The following CNBD1 variants were observed in gnomAD, a reference collection of about 807,000 sequenced individuals.
CNBD1 encodes cyclic nucleotide-binding domain-containing protein 1.
CNBD1 carries 71 observed loss-of-function variants against 54.4 expected under a neutral mutation model. That is an observed-to-expected ratio of 1.30 (90% CI 1.08 to 1.59). CNBD1 has a LOEUF of 1.59. CNBD1 is among the 40% of genes most tolerant of loss of function. The pLI is 0.00. For synonymous variants in CNBD1, 182 were observed against 170.7 expected, an observed-to-expected ratio of 1.07 and a Z score of -0.51; for missense variants, 659 against 518.0, an observed-to-expected ratio of 1.27 and a Z score of -2.64.
chr8:87,388,905 A>T (rs1268796799), intron 2 of CNBD1, among the ~76,000 whole-genome samples: 2 of 152,198 alleles, frequency 1.3e-5, no homozygotes. Context: ...ATCCAACATG[A>T]TCAAGTGGGC....
chr8:87,321,487 A>C (rs545877977), intron 8 of CNBD1, among the ~76,000 whole-genome samples: 2 of 152,196 alleles, frequency 1.3e-5, no homozygotes, highest in East Asian at 3.9e-4. Context: ...CTACATTTGG[A>C]TGTCTTTGGA....
At chr8:87,337,166 C>T (rs955001598) in intron 8 of CNBD1, among the ~76,000 whole-genome samples, 1 of 152,162 alleles carries the variant, frequency 6.6e-6, no homozygotes, top group East Asian at 1.9e-4. Context: ...GTTGTGGGAT[C>T]TTACCCAGCT....
chr8:87,379,292 A>T (rs926142932), intron 10 of CNBD1, among the ~76,000 whole-genome samples: 1 of 152,014 alleles, frequency 6.6e-6, no homozygotes, highest in Non-Finnish European at 1.5e-5. Flanking sequence ...GGAGACTTTA[A>T]CACCCCACTG....
At chr8:87,090,703 A>C (rs966056278) in intron 4 of CNBD1, among the ~76,000 whole-genome samples, 2 of 152,224 alleles carry the variant, frequency 1.3e-5, no homozygotes, top group Non-Finnish European at 2.9e-5. Flanking sequence ...TTTCTTCTAA[A>C]TCAGGTAATT....
At chr8:86,978,819 C>T (rs932712019) in intron 4 of CNBD1, among the ~76,000 whole-genome samples, 2 of 152,006 alleles carry the variant, frequency 1.3e-5, no homozygotes, top group Non-Finnish European at 2.9e-5. Context: ...TGGGCGTGAC[C>T]CACCATCTCC....
At chr8:86,878,611 G>A (rs773838874) in intron 1 of CNBD1, among the ~76,000 whole-genome samples, 11 of 150,972 alleles carry the variant, frequency 7.3e-5, no homozygotes, top group Non-Finnish European at 1.2e-4. Flanking sequence ...ATGTGGAACC[G>A]TTGTTTAACC....
chr8:86,989,363 T>C (rs561505886), intron 4 of CNBD1, among the ~76,000 whole-genome samples: 5 of 151,348 alleles, frequency 3.3e-5, no homozygotes, highest in African/African-American at 4.8e-5. Context: ...CTCTTTGATA[T>C]GCTGACTTCC....
chr8:86,979,429 GGC>G (rs1563845745), intron 4 of CNBD1, among the ~76,000 whole-genome samples: 25 of 108,944 alleles, frequency 2.3e-4, no homozygotes, highest in South Asian at 3.1e-4. Context: ...AAAAAAAAAA[GGC>G]AAAAACAATT....
chr8:87,306,895 C>G (rs1207835544), intron 8 of CNBD1, among the ~76,000 whole-genome samples: 1 of 151,758 alleles, frequency 6.6e-6, no homozygotes, highest in African/African-American at 2.4e-5. Flanking sequence ...CACCTGTACC[C>G]AAATAATTTA....
chr8:87,427,654 T>G (rs1297888848), intron 2 of CNBD1, among the ~76,000 whole-genome samples: 2 of 152,202 alleles, frequency 1.3e-5, no homozygotes, highest in African/African-American at 4.8e-5. Context: ...TAATTTAAAA[T>G]GCTTTCATCA....
At chr8:86,924,331 C>T (rs970481037) in intron 3 of CNBD1, among the ~76,000 whole-genome samples, 1 of 152,020 alleles carries the variant, frequency 6.6e-6, no homozygotes, top group African/African-American at 2.4e-5. Context: ...GCATTTGAAC[C>T]AAGGCAAATT....
intron 4 of CNBD1, among the ~76,000 whole-genome samples, chr8:87,031,599 TC>T (rs1421948612): frequency 7.2e-5 from 11 of 152,200 alleles, no homozygotes; most frequent in African/African-American, 1.9e-4. Context: ...TTAAATCTGT[TC>T]CTTTTCTGGG....
intron 2 of CNBD1, among the ~76,000 whole-genome samples, chr8:87,388,792 C>A (rs9772884): frequency 4.2e-3 from 646 of 152,150 alleles, no homozygotes; most frequent in African/African-American, 0.015. Flanking sequence ...GGCAGAGACA[C>A]AACAAAAAAA....
intron 4 of CNBD1, among the ~76,000 whole-genome samples, chr8:86,988,146 T>G (rs1808652194): frequency 1.0e-5 from 1 of 95,254 alleles, no homozygotes; most frequent in Admixed American, 1.1e-4. Context: ...TTGATAGGTT[T>G]TTTTTTTTTT....
chr8:87,057,621 G>A (rs1185818889), intron 4 of CNBD1, among the ~76,000 whole-genome samples: 1 of 152,138 alleles, frequency 6.6e-6, no homozygotes, highest in Non-Finnish European at 1.5e-5. Flanking sequence ...GGGCAAGGTG[G>A]GTGGATCACT....
chr8:87,101,645 A>G (rs867471693), intron 4 of CNBD1, among the ~76,000 whole-genome samples: 3 of 152,160 alleles, frequency 2.0e-5, no homozygotes, highest in Non-Finnish European at 2.9e-5. Flanking sequence ...CACATTTATC[A>G]TATTAACATT....
intron 6 of CNBD1, among the ~76,000 whole-genome samples, chr8:87,280,530 C>G (rs1230450460): frequency 6.6e-6 from 1 of 151,314 alleles, no homozygotes; most frequent in Non-Finnish European, 1.5e-5. Flanking sequence ...ACATGTTGTG[C>G]AAAGTTTAGA....
At chr8:86,975,940 A>G (rs1808330917) in intron 4 of CNBD1, among the ~76,000 whole-genome samples, 1 of 151,888 alleles carries the variant, frequency 6.6e-6, no homozygotes, top group Non-Finnish European at 1.5e-5. Context: ...GTGTGAGGTG[A>G]TATTTCATTT....
At chr8:87,394,568 T>C (rs1811375273) in intron 2 of CNBD1, among the ~76,000 whole-genome samples, 1 of 151,968 alleles carries the variant, frequency 6.6e-6, no homozygotes, top group Non-Finnish European at 1.5e-5. Context: ...TGTTGTTTTA[T>C]CTGCTTTTAA....
Sources: gnomAD v4.1 joint callset for allele counts (sites outside exome capture counted in the v4.1 genomes callset) on GRCh38, gnomAD v4.1.1 for gene constraint, MANE v1.5 for transcripts, NCBI Gene and HGNC (gene_info 2026-07-23, HGNC 2026-07-21) for gene names.